ADAMTSL1: variants seen among roughly 807,000 people sequenced by gnomAD.
ADAMTSL1 encodes the protein ADAMTS like 1, also known as ADAMTS-like protein 1.
Under a neutral mutation model 201.8 loss-of-function variants are expected in ADAMTSL1, and 126 were observed. That is an observed-to-expected ratio of 0.62 (90% CI 0.54 to 0.72). The LOEUF is 0.72. ADAMTSL1 is among the 30% of genes least tolerant of loss of function. ADAMTSL1 has a pLI of 0.00. For synonymous variants in ADAMTSL1, 1,121 were observed against 903.4 expected (o/e 1.24, Z -4.32); for missense variants, 2,679 against 2,277.8 (o/e 1.18, Z -3.59).
At chr9:18,410,223 A>G (rs1818377791) in intron 2 of ADAMTSL1, among the ~76,000 whole-genome samples, 1 of 151,202 alleles carries the variant, frequency 6.6e-6, no homozygotes, top group Non-Finnish European at 1.5e-5. Context: ...TTTTATTTTA[A>G]GCTCAAGGGT....
intron 4 of ADAMTSL1, among the ~76,000 whole-genome samples, chr9:18,588,819 T>C (rs894045721): frequency 1.2e-4 from 18 of 149,154 alleles, no homozygotes; most frequent in Non-Finnish European, 2.2e-4. Context: ...GGTGTATCTG[T>C]CTGTTTTTAT....
chr9:18,445,553 C>A (rs1299477025), intron 2 of ADAMTSL1, among the ~76,000 whole-genome samples: 2 of 151,948 alleles, frequency 1.3e-5, no homozygotes, highest in Non-Finnish European at 2.9e-5. Context: ...TTTTGTCATT[C>A]CATTTTATTG....
chr9:18,092,422 G>A (rs1824068094), intron 1 of ADAMTSL1, among the ~76,000 whole-genome samples: 1 of 152,162 alleles, frequency 6.6e-6, no homozygotes, highest in Non-Finnish European at 1.5e-5. Flanking sequence ...TTGAATTAGG[G>A]AAATGCGTGT....
chr9:18,652,133 C>T (rs941222134), intron 7 of ADAMTSL1, among the ~76,000 whole-genome samples: 18 of 151,726 alleles, frequency 1.2e-4, no homozygotes, highest in Admixed American at 3.3e-4. Flanking sequence ...CTTAAGAAAG[C>T]CTTTGTGGTG....
intron 1 of ADAMTSL1, among the ~76,000 whole-genome samples, chr9:18,037,623 A>G (rs1821256791): frequency 1.3e-5 from 2 of 152,292 alleles, no homozygotes; most frequent in South Asian, 2.1e-4. Context: ...AGTTCTAAAG[A>G]TGTTTTTTGT....
intron 2 of ADAMTSL1, among the ~76,000 whole-genome samples, chr9:18,519,865 A>G (rs960689170): frequency 3.3e-5 from 5 of 152,192 alleles, no homozygotes; most frequent in African/African-American, 7.2e-5. Context: ...CATGACCTTT[A>G]TGGTCTACAG....
intron 2 of ADAMTSL1, among the ~76,000 whole-genome samples, chr9:18,429,209 A>G (rs1819371716): frequency 6.6e-6 from 1 of 152,196 alleles, no homozygotes; most frequent in Non-Finnish European, 1.5e-5. Flanking sequence ...GATCAGCTAT[A>G]CTATTTTTGG....
At chr9:18,670,600 T>G (rs1340836913) in intron 9 of ADAMTSL1, among the ~76,000 whole-genome samples, 1 of 152,232 alleles carries the variant, frequency 6.6e-6, no homozygotes, top group African/African-American at 2.4e-5. Context: ...CTTTCCTAAC[T>G]AGCTTTTAAA....
chr9:18,829,595 C>A (rs1824846981), intron 22 of ADAMTSL1, among the ~76,000 whole-genome samples: 1 of 152,166 alleles, frequency 6.6e-6, no homozygotes, highest in South Asian at 2.1e-4. Context: ...AACCCCTGAA[C>A]TTGGTATGCC....
chr9:18,784,802 A>G (rs1450274024), intron 19 of ADAMTSL1, among the ~76,000 whole-genome samples: 1 of 152,132 alleles, frequency 6.6e-6, no homozygotes, highest in Non-Finnish European at 1.5e-5. Context: ...TACTATCCCA[A>G]TTTTACCGAT....
intron 1 of ADAMTSL1, among the ~76,000 whole-genome samples, chr9:18,033,014 C>G (rs946272875): frequency 6.6e-6 from 1 of 152,150 alleles, no homozygotes; most frequent in Non-Finnish European, 1.5e-5. Context: ...TTTGGTTTCT[C>G]TCTGTGGGAC....
intron 23 of ADAMTSL1, among the ~76,000 whole-genome samples, chr9:18,849,359 G>A (rs1435639138): frequency 2.0e-5 from 3 of 152,066 alleles, no homozygotes; most frequent in Non-Finnish European, 2.9e-5. Flanking sequence ...AGCCTGGATC[G>A]GGCACTTCCT....
At chr9:18,296,673 G>T (rs1001546993) in intron 2 of ADAMTSL1, among the ~76,000 whole-genome samples, 14 of 152,112 alleles carry the variant, frequency 9.2e-5, no homozygotes, top group Non-Finnish European at 1.8e-4. Flanking sequence ...ATAGAACAAT[G>T]AGTTTAGTTC....
At chr9:18,102,588 C>T (rs532810688) in intron 1 of ADAMTSL1, among the ~76,000 whole-genome samples, 7 of 152,160 alleles carry the variant, frequency 4.6e-5, no homozygotes, top group African/African-American at 1.7e-4. Context: ...AGATTTTGAC[C>T]AGCAAGATGT....
At chr9:18,511,059 C>T (rs960501852) in intron 2 of ADAMTSL1, among the ~76,000 whole-genome samples, 2 of 152,018 alleles carry the variant, frequency 1.3e-5, no homozygotes, top group African/African-American at 4.8e-5. Context: ...CATTATCTGT[C>T]TCCCTGTATT....
In ADAMTSL1 at chr9:18,057,796, C is replaced by T. The variant is rs115594046; in HGVS notation, c.88-106066C>T. 7.9e-3 allele frequency among the ~76,000 whole-genome samples: 1,202 copies of T among 152,316 alleles called. 13 individuals are homozygous for T. The highest frequency in any genetic ancestry group is 0.028 in the African/African-American group (1,155 of 41,560). ...CAATAATGAGCTTCCTAGCACTCGT[C>T]TGGCTAATTCTTACTCATTCTTTAG... On this transcript the variant is annotated intron_variant, in intron 1 of 29. Coordinates refer to the ADAMTSL1 transcript ENST00000680146.
chr9:18,275,098 T>C (rs965261760), intron 2 of ADAMTSL1, among the ~76,000 whole-genome samples: 4 of 152,150 alleles, frequency 2.6e-5, no homozygotes, highest in African/African-American at 9.6e-5. Flanking sequence ...TGGGCAAAAT[T>C]TGTATTTGGC....
In ADAMTSL1 at chr9:18,412,018, A is replaced by G. The variant is rs557039580; in HGVS notation, c.208-92811A>G. 3.0e-4 allele frequency among the ~76,000 whole-genome samples: 45 copies of G among 152,324 alleles called. 1 individual carries two copies. The highest frequency in any genetic ancestry group is 1.1e-3 in the Admixed American group (17 of 15,302). On this transcript the variant is annotated intron_variant, in intron 2 of 29. Coordinates refer to the ADAMTSL1 transcript ENST00000680146. ...TTAAAGCTTCTTTATAGCAGTCTCT[A>G]TACCATTCATTCGCTTTTATTCAAG...
intron 1 of ADAMTSL1, among the ~76,000 whole-genome samples, chr9:18,133,049 A>G (rs1826015106): frequency 6.6e-6 from 1 of 152,132 alleles, no homozygotes; most frequent in African/African-American, 2.4e-5. Flanking sequence ...AATCTCTCTC[A>G]GGACTGTGGA....
Sources: allele counts gnomAD v4.1 joint callset (sites outside exome capture counted in the v4.1 genomes callset), GRCh38; gene constraint gnomAD v4.1.1; transcripts MANE v1.5; gene names NCBI Gene and HGNC (gene_info 2026-07-23, HGNC 2026-07-21).